Variants in DCTN4 observed in about 807,000 individuals in gnomAD.
DCTN4 encodes the protein dynactin subunit 4.
In DCTN4, 23 loss-of-function variants were observed where a neutral mutation model predicts 62.7. The ratio of observed to expected loss-of-function variants is 0.37; its 90% CI spans 0.26 to 0.52. DCTN4 has a LOEUF of 0.52. DCTN4 is among the 20% of genes least tolerant of loss of function. DCTN4 has a pLI of 0.92. For missense variants in DCTN4, 514 were observed against 580.4 expected (o/e 0.89, Z 1.18); for synonymous variants, 199 against 202.1 (o/e 0.98, Z 0.13).
At chr5:150,727,353 C>T (rs1187845329) in intron 8 of DCTN4, among the ~76,000 whole-genome samples, 1 of 152,014 alleles carries the variant, frequency 6.6e-6, no homozygotes, top group Non-Finnish European at 1.5e-5. Context: ...AGACATGTTT[C>T]CTATAAAAGA....
chr5:150,722,208 G>C (rs781345679), intron 9 of DCTN4, among the ~76,000 whole-genome samples: 1 of 152,148 alleles, frequency 6.6e-6, no homozygotes, highest in Non-Finnish European at 1.5e-5. Context: ...TGGGTTTCCT[G>C]TCTTGCTAAA....
rs767778524 is a variant in DCTN4 at position 150,756,474 on chromosome 5, T to C, written c.149A>G (p.Tyr50Cys). 1.3e-6 allele frequency: 2 copies of C among 1,599,828 alleles called. No homozygotes were observed. The highest frequency in any genetic ancestry group is 2.2e-5 in the East Asian group (1 of 44,482). The change falls in exon 2 of 13, where the codon TAT becomes TGT. Residue 50 changes from tyrosine (Y) to cysteine (C), a missense_variant. Physicochemically the swap from Tyr to Cys is radical, Grantham distance 194 (BLOSUM62 -2). Transcript: ENST00000447998. Reference sequence around the variant, plus strand: ...CATATTTTCTAAACAACTGGGACAATAATGGGAGTCCACCTAGGAGGAAAC... The same window carrying C: ...CATATTTTCTAAACAACTGGGACAACAATGGGAGTCCACCTAGGAGGAAAC... ...ECVSHEVDSH[Y>C]CPSCLENMPS...
chr5:150,741,879 T>A (rs1300864051), intron 4 of DCTN4, among the ~76,000 whole-genome samples: 3 of 152,242 alleles, frequency 2.0e-5, no homozygotes, highest in African/African-American at 4.8e-5. Context: ...CTTTTCCTGA[T>A]GCACAATTCA....
intron 9 of DCTN4, 82 bp from the exon 10 acceptor site, chr5:150,719,852 T>C: frequency 1.2e-6 from 1 of 836,236 alleles, no homozygotes; most frequent in Non-Finnish European, 1.9e-6. Context: ...GTGCAGTACA[T>C]AAAGGATTTC....
rs1752808458 is a variant in DCTN4 at position 150,755,048 on chromosome 5, G to A, written c.206+1369C>T. ...CTGGTAAGAAAATGATCAAAGTAAT[G>A]AACAGAGAACTCTCTCCTGCTCCTA... On this transcript the variant is annotated intron_variant, in intron 2 of 12. Transcript: ENST00000447998. 2.0e-5 allele frequency among the ~76,000 whole-genome samples: 3 copies of A among 151,992 alleles called. No homozygotes were observed. The South Asian group carries it at 6.2e-4, about 32-fold the overall frequency.
intron 4 of DCTN4, among the ~76,000 whole-genome samples, chr5:150,738,913 G>C (rs1760674541): frequency 6.6e-6 from 1 of 152,158 alleles, no homozygotes; most frequent in Non-Finnish European, 1.5e-5. Context: ...TCAATAAAAG[G>C]TTGGGCACAG....
At position 150,756,506 on chromosome 5, in the gene DCTN4, G is replaced by GAAAA; in HGVS notation, c.136-23_136-20dup. 1 of 1,395,026 alleles carries GAAAA rather than the reference G, an allele frequency of 7.2e-7. No individual in the cohort carries two copies. The highest frequency in any genetic ancestry group is 2.3e-5 in the Admixed American group (1 of 43,410). The allele number at this position is 1,395,026 out of a possible 1,614,324, so 86.4% of individuals were successfully genotyped here. ...AGTCCACCTAGGAGGAAACAAGAAAGAAAAAAAAAACCAGAGGAGAACTCA... is the reference window on the plus strand; with the variant it reads ...AGTCCACCTAGGAGGAAACAAGAAAGAAAAAAAAAAAAAACCAGAGGAGAACTCA... On this transcript the variant is annotated intron_variant, in intron 1 of 12. Coordinates refer to ENST00000447998, the MANE Select transcript of DCTN4 (RefSeq NM_016221.4).
chr5:150,749,048 T>G (rs1752573366), intron 3 of DCTN4, among the ~76,000 whole-genome samples: 1 of 151,522 alleles, frequency 6.6e-6, no homozygotes, highest in African/African-American at 2.4e-5. Context: ...TGGGTTAGGC[T>G]AAAGTTTTTT....
intron 3 of DCTN4, among the ~76,000 whole-genome samples, chr5:150,745,803 G>T (rs1760940440): frequency 6.6e-6 from 1 of 151,712 alleles, no homozygotes; most frequent in Non-Finnish European, 1.5e-5. Context: ...TGTGTAGAGG[G>T]AAATTTATAG....
chr5:150,723,613 C>T (rs1760031452), intron 8 of DCTN4, among the ~76,000 whole-genome samples: 1 of 152,228 alleles, frequency 6.6e-6, no homozygotes, highest in Admixed American at 6.5e-5. Context: ...GGATTACAGG[C>T]ATGAGCCACT....
Position 150,756,507 on chromosome 5 carries a change from A to T in DCTN4, c.136-20T>A, listed in dbSNP as rs199737865. 1 of 1,442,634 alleles carries T rather than the reference A, an allele frequency of 6.9e-7. No individual in the cohort carries two copies. The highest frequency in any genetic ancestry group is 2.2e-5 in the Admixed American group (1 of 45,814). The allele number at this position is 1,442,634 out of a possible 1,614,324, so 89.4% of individuals were successfully genotyped here. ...GTCCACCTAGGAGGAAACAAGAAAG[A>T]AAAAAAAAACCAGAGGAGAACTCAG... On this transcript the variant is annotated intron_variant, in intron 1 of 12. Transcript: ENST00000447998.
At chr5:150,714,142 C>G (rs966839260) in intron 12 of DCTN4, among the ~76,000 whole-genome samples, 1 of 152,058 alleles carries the variant, frequency 6.6e-6, no homozygotes, top group Non-Finnish European at 1.5e-5. Context: ...TGTGAATGTT[C>G]CCTGTGCCAG....
intron 1 of DCTN4, among the ~76,000 whole-genome samples, chr5:150,757,074 T>C (rs1180588366): frequency 3.3e-5 from 5 of 152,216 alleles, no homozygotes; most frequent in Non-Finnish European, 4.4e-5. Context: ...TTTTATTTTT[T>C]AAAAGTCTGA....
At chr5:150,729,455 A>C (rs1760277921) in intron 8 of DCTN4, among the ~76,000 whole-genome samples, 1 of 151,924 alleles carries the variant, frequency 6.6e-6, no homozygotes, top group Non-Finnish European at 1.5e-5. Flanking sequence ...TTTCATTTAT[A>C]CTCTTACCCA....
rs779080812 is a variant in DCTN4, at chr5:150,711,381, G to C, written c.1170-19C>G. 6.3e-7 allele frequency: 1 copy of C among 1,599,040 alleles called. No individual in the cohort carries two copies. The highest frequency in any genetic ancestry group is 1.3e-5 in the African/African-American group (1 of 74,468). ...TATAATGCTATGGAAAGAAAAAAAA[G>C]CAAGTATTAGGTAGATAAAAAAATC... On this transcript the variant is annotated intron_variant, in intron 12 of 12. Coordinates refer to ENST00000447998, the MANE Select transcript of DCTN4 (RefSeq NM_016221.4).
At chr5:150,757,952 TAA>T in intron 1 of DCTN4, 2 of 524,204 alleles carry the variant, frequency 3.8e-6, no homozygotes, top group Non-Finnish European at 4.9e-6. Flanking sequence ...TCTTTACCTG[TAA>T]AAAAAATTTT....
chr5:150,736,247 G>A (rs1760577901), intron 4 of DCTN4: 1 of 152,100 alleles, frequency 6.6e-6, no homozygotes, highest in African/African-American at 2.4e-5. Context: ...CCAAATACAA[G>A]AAGCTCAAAG....
chr5:150,718,363 A>C lies in DCTN4; in HGVS notation c.984T>G (p.Thr328=), dbSNP rs769137033. 6.2e-7 allele frequency: 1 copy of C among 1,613,970 alleles called. No homozygotes were observed. Among genetic ancestry groups the C allele is most frequent in the South Asian group, 1.1e-5 (1 of 91,058 alleles). Reference sequence around the variant, plus strand: ...TGAGGTTCTCAACTGGATTTGTAAGAGTCAGGAGGACCTGGCTCTCCTGGT... The same window carrying C: ...TGAGGTTCTCAACTGGATTTGTAAGCGTCAGGAGGACCTGGCTCTCCTGGT... The part of the protein sequence containing the change: ...RYMKESQVLL[T]LTNPVENLTH... The change falls in exon 11 of 13, where the codon ACT becomes ACG. Residue 328 remains threonine, a synonymous_variant. Transcript: ENST00000447998.
chr5:150,737,365 C>A (rs1373951019), intron 4 of DCTN4, among the ~76,000 whole-genome samples: 1 of 152,062 alleles, frequency 6.6e-6, no homozygotes, highest in Non-Finnish European at 1.5e-5. Flanking sequence ...ATACGAGAGG[C>A]CACAAAACAC....
Sources: gnomAD v4.1 joint callset for allele counts (sites outside exome capture counted in the v4.1 genomes callset) on GRCh38, gnomAD v4.1.1 for gene constraint, MANE v1.5 for transcripts, NCBI Gene and HGNC (gene_info 2026-07-23, HGNC 2026-07-21) for gene names.